The following BMP5 variants were observed in gnomAD, a reference collection of about 807,000 sequenced individuals.
BMP5 encodes the protein bone morphogenetic protein 5.
In BMP5, 23 loss-of-function variants were observed where a neutral mutation model predicts 46.6. That is an observed-to-expected ratio of 0.49 (90% CI 0.35 to 0.70). BMP5 has a LOEUF of 0.70. Among genes scored for constraint, BMP5 ranks in the 30% least tolerant of loss-of-function variants. The probability of loss-of-function intolerance (pLI) is 0.00; values close to 1 mark genes in which losing one functional copy is unlikely to be tolerated. For synonymous variants in BMP5, 204 were observed against 191.9 expected (o/e 1.06, Z -0.52); for missense variants, 545 against 565.6 (o/e 0.96, Z 0.37).
At chr6:55,758,071 C>T (rs1203989476) in intron 6 of BMP5, among the ~76,000 whole-genome samples, 1 of 151,828 alleles carries the variant, frequency 6.6e-6, no homozygotes, top group Non-Finnish European at 1.5e-5. Flanking sequence ...ATAAATAAAC[C>T]TCACCCACAA....
At chr6:55,871,567 C>A (rs755204980) in intron 1 of BMP5, among the ~76,000 whole-genome samples, 1 of 151,676 alleles carries the variant, frequency 6.6e-6, no homozygotes, top group East Asian at 1.9e-4. Context: ...ATCTATTTTT[C>A]ACTTATGAAT....
chr6:55,853,342 TTCTC>T (rs5876469), intron 1 of BMP5, among the ~76,000 whole-genome samples: 19 of 129,352 alleles, frequency 1.5e-4, no homozygotes, highest in South Asian at 2.9e-4. Context: ...CTCCCCCGCT[TTCTC>T]TCTCTCTCTC....
intron 4 of BMP5, among the ~76,000 whole-genome samples, chr6:55,772,103 C>T (rs1401413303): frequency 2.0e-5 from 3 of 151,834 alleles, no homozygotes; most frequent in Non-Finnish European, 4.4e-5. Context: ...ACTCCAAAAC[C>T]ATCTACCACA....
chr6:55,832,687 A>G (rs1776694291), intron 1 of BMP5, among the ~76,000 whole-genome samples: 1 of 152,148 alleles, frequency 6.6e-6, no homozygotes, highest in Non-Finnish European at 1.5e-5. Context: ...AACCACATCA[A>G]TGCCTCCTAT....
intron 1 of BMP5, among the ~76,000 whole-genome samples, chr6:55,842,697 T>C (rs748308576): frequency 2.0e-5 from 3 of 151,374 alleles, no homozygotes; most frequent in Non-Finnish European, 4.4e-5. Context: ...CTTTTGTGTG[T>C]ACACATTCTG....
intron 2 of BMP5, among the ~76,000 whole-genome samples, chr6:55,802,102 A>G (rs1234800162): frequency 6.6e-6 from 1 of 152,140 alleles, no homozygotes; most frequent in East Asian, 1.9e-4. Context: ...GTGGAAATGG[A>G]AGTGGTTCCT....
At chr6:55,767,839 A>C (rs1206418223) in intron 4 of BMP5, among the ~76,000 whole-genome samples, 2 of 152,014 alleles carry the variant, frequency 1.3e-5, no homozygotes, top group African/African-American at 2.4e-5. Flanking sequence ...ACTGATGCCA[A>C]TACTAAGCTG....
At chr6:55,869,276 G>C (rs1777724653) in intron 1 of BMP5, among the ~76,000 whole-genome samples, 1 of 152,102 alleles carries the variant, frequency 6.6e-6, no homozygotes, top group African/African-American at 2.4e-5. Flanking sequence ...GCTGCTGTTT[G>C]GTATGAGGTA....
intron 2 of BMP5, 148 bp downstream of exon 2, chr6:55,819,507 A>G: frequency 1.4e-6 from 1 of 689,896 alleles, no homozygotes; most frequent in Admixed American, 2.6e-5. Context: ...GATTACGGTT[A>G]CCTTTCAATA....
At chr6:55,816,495 C>T (rs1280636559) in intron 2 of BMP5, among the ~76,000 whole-genome samples, 1 of 151,876 alleles carries the variant, frequency 6.6e-6, no homozygotes, top group Admixed American at 6.6e-5. Context: ...ACTATATATG[C>T]CTGGCCCTAT....
At chr6:55,851,974 T>C (rs1006157494) in intron 1 of BMP5, among the ~76,000 whole-genome samples, 74 of 152,170 alleles carry the variant, frequency 4.9e-4, no homozygotes, top group African/African-American at 1.7e-3. Flanking sequence ...TCAGTAAATT[T>C]AGAAGGAAAT....
intron 1 of BMP5, among the ~76,000 whole-genome samples, chr6:55,833,214 T>G (rs1370511340): frequency 6.6e-6 from 1 of 152,198 alleles, no homozygotes; most frequent in African/African-American, 2.4e-5. Flanking sequence ...TACAGGATGT[T>G]TAGACTCTGC....
At chr6:55,804,406 T>C (rs1775937405) in intron 2 of BMP5, among the ~76,000 whole-genome samples, 1 of 152,134 alleles carries the variant, frequency 6.6e-6, no homozygotes, top group South Asian at 2.1e-4. Flanking sequence ...CTCTAGAGGT[T>C]TTGGAGGGTG....
chr6:55,864,184 A>G (rs1213896280), intron 1 of BMP5, among the ~76,000 whole-genome samples: 1 of 152,182 alleles, frequency 6.6e-6, no homozygotes, highest in Non-Finnish European at 1.5e-5. Flanking sequence ...TGGAATCTGT[A>G]CTTATTTTAA....
intron 4 of BMP5, among the ~76,000 whole-genome samples, chr6:55,763,602 C>A (rs1194686724): frequency 1.3e-5 from 2 of 152,068 alleles, no homozygotes; most frequent in African/African-American, 2.4e-5. Context: ...TGATGGGCAG[C>A]CTTTAGGAGA....
At position 55,874,766 on chromosome 6, in the gene BMP5, C is replaced by T. The variant is rs761170102; in HGVS notation, c.100G>A (p.Val34Ile). 6.2e-7 allele frequency: 1 copy of T among 1,613,434 alleles called. No individual in the cohort carries two copies. The highest frequency in any genetic ancestry group is 8.5e-7 in the Non-Finnish European group (1 of 1,179,632). The stretch of plus-strand genomic sequence containing the variant: ...CTTCTATAAATAAAACTGGAGTGAA[C>T]ATGATTGTCTCCCAAACCTCCTTTT... ...YAKGGLGDNHVHSSFIYRRLR... is the reference protein window; with the variant it reads ...YAKGGLGDNHIHSSFIYRRLR... The change falls in exon 1 of 7, where the codon GTT becomes ATT. Residue 34 changes from valine (V) to isoleucine (I), a missense_variant. Transcript: ENST00000370830.
chr6:55,830,303 T>C (rs1447530663), intron 1 of BMP5, among the ~76,000 whole-genome samples: 1 of 152,024 alleles, frequency 6.6e-6, no homozygotes, highest in Non-Finnish European at 1.5e-5. Flanking sequence ...GAGACCACAC[T>C]GTAATTAGAG....
intron 1 of BMP5, among the ~76,000 whole-genome samples, chr6:55,855,285 C>T (rs1777363490): frequency 6.6e-6 from 1 of 150,642 alleles, no homozygotes; most frequent in African/African-American, 2.4e-5. Context: ...TGTGGAAGGT[C>T]GAGGTGGAAG....
intron 1 of BMP5, among the ~76,000 whole-genome samples, chr6:55,873,965 A>G (rs1426368166): frequency 6.6e-6 from 1 of 151,962 alleles, no homozygotes; most frequent in Non-Finnish European, 1.5e-5. Flanking sequence ...GTGAATATAT[A>G]CTTACATGTG....
Sources: allele counts gnomAD v4.1 joint callset (sites outside exome capture counted in the v4.1 genomes callset), GRCh38; gene constraint gnomAD v4.1.1; transcripts MANE v1.5; gene names NCBI Gene and HGNC (gene_info 2026-07-23, HGNC 2026-07-21).